SVIL: variants seen among roughly 807,000 people sequenced by gnomAD.
SVIL encodes archvillin.
SVIL carries 101 observed loss-of-function variants against 240.4 expected under a neutral mutation model. That is an observed-to-expected ratio of 0.42 (90% CI 0.36 to 0.50). The LOEUF (loss-of-function observed/expected upper bound fraction) is 0.50. SVIL is among the 20% of genes least tolerant of loss of function. SVIL has a pLI of 0.01. For missense variants in SVIL, 2,512 were observed against 2,818.7 expected, an observed-to-expected ratio of 0.89 and a Z score of 2.46; for synonymous variants, 999 against 1,100.0, an observed-to-expected ratio of 0.91 and a Z score of 1.82.
Position 29,458,583 on chromosome 10 carries a change from C to T in SVIL, c.6409G>A (p.Glu2137Lys), listed in dbSNP as rs1373125270. ...ACGAGGGTGATCTGATTGGAAACTT[C>T]CGTGTCCTAGAGAAGAGGAGGGGGC... Reference protein sequence around the residue: ...DIAEITEMDTEVSNQITLVED... With the variant: ...DIAEITEMDTKVSNQITLVED... The change falls in exon 37 of 38, where the codon GAA (glutamate) becomes AAA (lysine). Residue 2137 changes from glutamate to lysine, a missense_variant. Glu to Lys is a moderately conservative substitution (Grantham distance 56). Transcript: ENST00000355867. The T allele has an allele frequency of 2.5e-6, 4 of 1,612,340 alleles. No homozygotes were observed. In the African/African-American group the frequency reaches 4.0e-5, roughly 16 times the overall value.
intron 1 of SVIL, among the ~76,000 whole-genome samples, chr10:29,586,165 A>G (rs1589326670): frequency 6.6e-6 from 1 of 152,228 alleles, no homozygotes; most frequent in African/African-American, 2.4e-5. Flanking sequence ...TTAACCACAC[A>G]CACTCATTAA....
At chr10:29,526,911 G>T in intron 13 of SVIL, 50 bp downstream of exon 13, 2 of 1,414,130 alleles carry the variant, frequency 1.4e-6, no homozygotes, top group Non-Finnish European at 1.9e-6. Flanking sequence ...TGCATCTGCT[G>T]TTCGGCACCT....
At chr10:29,565,595 A>G (rs1320181962) in intron 2 of SVIL, among the ~76,000 whole-genome samples, 2 of 152,102 alleles carry the variant, frequency 1.3e-5, no homozygotes, top group Admixed American at 6.5e-5. Flanking sequence ...CCCACTGCCT[A>G]TTGTGACCAT....
chr10:29,575,616 A>C (rs1955657419), intron 1 of SVIL, among the ~76,000 whole-genome samples: 1 of 152,106 alleles, frequency 6.6e-6, no homozygotes, highest in Non-Finnish European at 1.5e-5. Flanking sequence ...CTCTCACTGG[A>C]TGATTTAGTA....
upstream of SVIL, among the ~76,000 whole-genome samples, chr10:29,636,556 T>C (rs1958317158): frequency 6.6e-6 from 1 of 152,234 alleles, no homozygotes; most frequent in African/African-American, 2.4e-5. Context: ...TCGTCACTTC[T>C]TTTATATATC....
intron 1 of SVIL, among the ~76,000 whole-genome samples, chr10:29,579,561 T>A (rs1227494218): frequency 1.3e-5 from 2 of 152,214 alleles, no homozygotes; most frequent in African/African-American, 4.8e-5. Context: ...CCTCCCAAAT[T>A]GACAAGGTCA....
In SVIL at chr10:29,605,808, A is replaced by C. The variant is rs190986060; in HGVS notation, c.-201+28612T>G. On this transcript the variant is annotated intron_variant, in intron 1 of 37. Transcript: ENST00000355867. ...TAGAGAGAGATAGTTGATTTTTATC[A>C]ATCTTTTCTTTCATGGTTTCTTAAT... Among the ~76,000 whole-genome samples the C allele has an allele frequency of 3.3e-4, 50 of 151,310 alleles. 1 individual carries two copies. The highest frequency in any genetic ancestry group is 1.4e-3 in the Admixed American group (21 of 15,190).
rs553291445 is a variant in SVIL at position 29,586,678 on chromosome 10, C to A, written c.-200-17366G>T. Among the ~76,000 whole-genome samples the A allele has an allele frequency of 9.9e-4, 151 of 152,250 alleles. 2 individuals are homozygous for A. The South Asian group carries it at 0.031, about 31-fold the overall frequency. Reference sequence around the variant, plus strand: ...CATCTTGCATTAAAAGGAAAACATTCCACATTTCCTAATATGGAATACTAC... The same window carrying A: ...CATCTTGCATTAAAAGGAAAACATTACACATTTCCTAATATGGAATACTAC... On this transcript the variant is annotated intron_variant, in intron 1 of 37. Coordinates refer to ENST00000355867, the MANE Select transcript of SVIL (RefSeq NM_021738.3).
Position 29,556,828 on chromosome 10 carries a change from G to GCTATATTTCAAAA in SVIL, c.-50-1721_-50-1720insTTTTGAAATATAG, listed in dbSNP as rs1490985328. 2.0e-5 allele frequency among the ~76,000 whole-genome samples: 3 copies of GCTATATTTCAAAA among 152,236 alleles called. No homozygotes were observed. In the East Asian group the frequency reaches 5.8e-4, roughly 29 times the overall value. ...TATGGTGATACAACTTTAATGGCTG[G>GCTATATTTCAAAA]TAGGACATATTTTGAAAATATTTTC... On this transcript the variant is annotated intron_variant, in intron 3 of 37. Coordinates refer to ENST00000355867, the MANE Select transcript of SVIL (RefSeq NM_021738.3).
At chr10:29,680,366 T>C (rs1960541339) in intron 2 of SVIL, among the ~76,000 whole-genome samples, 2 of 152,056 alleles carry the variant, frequency 1.3e-5, no homozygotes, top group Non-Finnish European at 1.5e-5. Flanking sequence ...ATGCAGCCAG[T>C]TGAGAAGGAA....
Position 29,549,464 on chromosome 10 carries a change from C to T in SVIL, c.827+1133G>A, listed in dbSNP as rs1386256780. ...TCAACCATTGTGGAAGTCAGTGTGG[C>T]GAAACCTCAGGGATCTAGAACTAGA... On this transcript the variant is annotated intron_variant, in intron 6 of 37. Transcript: ENST00000355867. Among the ~76,000 whole-genome samples, 9 of 120,694 alleles carry T rather than the reference C, an allele frequency of 7.5e-5. 3 individuals carry two copies. The highest frequency in any genetic ancestry group is 2.5e-4 in the Admixed American group (3 of 11,796). 79.2% of individuals were successfully genotyped at this position (120,694 alleles called of 152,430 possible).
chr10:29,693,603 C>A (rs1418259789), intron 1 of SVIL, among the ~76,000 whole-genome samples: 1 of 152,144 alleles, frequency 6.6e-6, no homozygotes, highest in Non-Finnish European at 1.5e-5. Flanking sequence ...GGGCGCCAGA[C>A]CTCACTGCAC....
intron 2 of SVIL, among the ~76,000 whole-genome samples, chr10:29,662,000 A>G (rs1022285457): frequency 1.3e-5 from 2 of 152,086 alleles, no homozygotes; most frequent in Non-Finnish European, 2.9e-5. Flanking sequence ...AAACTACTAG[A>G]GTAGCAAGTG....
At chr10:29,550,144 G>C (rs1165773160) in intron 6 of SVIL, among the ~76,000 whole-genome samples, 6 of 151,404 alleles carry the variant, frequency 4.0e-5, no homozygotes, top group Non-Finnish European at 4.4e-5. Flanking sequence ...TGGCTGAAAT[G>C]TAAGAATCTT....
chr10:29,522,438 G>C lies in SVIL; in HGVS notation c.3361C>G (p.Pro1121Ala), dbSNP rs775889275. The C allele has an allele frequency of 2.5e-6, 4 of 1,614,084 alleles. No individual in the cohort carries two copies. Among genetic ancestry groups the C allele is most frequent in the Non-Finnish European group, 3.4e-6 (4 of 1,180,038 alleles). The part of the protein sequence containing the change: ...TPTGEGLLDS[P>A]SKTMSIKERL... ...TCTTTAATAGACATGGTTTTGCTGG[G>C]TGAGTCAAGAAGGCCCTCCCCTGTC... The change falls in exon 16 of 38, where the codon CCC (proline) becomes GCC (alanine). Residue 1121 changes from proline to alanine, a missense_variant. Physicochemically the swap from Pro to Ala is conservative, Grantham distance 27. Around this residue, in one of 3 missense-constraint regions of SVIL, gnomAD observed 1,443 missense variants for 1,486.6 expected, o/e 0.97. Transcript: ENST00000355867.
chr10:29,598,392 C>T (rs1589355938), intron 1 of SVIL, among the ~76,000 whole-genome samples: 1 of 151,972 alleles, frequency 6.6e-6, no homozygotes, highest in Admixed American at 6.6e-5. Flanking sequence ...TATTTTACCA[C>T]AATAAAAAAA....
At chr10:29,691,790 G>A (rs1436371826) in intron 1 of SVIL, among the ~76,000 whole-genome samples, 2 of 152,146 alleles carry the variant, frequency 1.3e-5, no homozygotes, top group African/African-American at 2.4e-5. Context: ...CAAAGATTAC[G>A]GAATCCCTGT....
At chr10:29,718,283 G>T (rs1046326116) in intron 1 of SVIL, among the ~76,000 whole-genome samples, 17 of 150,978 alleles carry the variant, frequency 1.1e-4, no homozygotes, top group Admixed American at 7.3e-4. Flanking sequence ...CCGAGATCGC[G>T]CCACTGCACT....
At chr10:29,519,240 C>G (rs1440287773) in intron 16 of SVIL, among the ~76,000 whole-genome samples, 1 of 152,178 alleles carries the variant, frequency 6.6e-6, no homozygotes, top group Non-Finnish European at 1.5e-5. Context: ...CTGGTTAGAG[C>G]ACACGGGGTT....
Sources: allele counts gnomAD v4.1 joint callset (sites outside exome capture counted in the v4.1 genomes callset), GRCh38; gene constraint gnomAD v4.1.1; regional missense constraint gnomAD v4.1.1; transcripts MANE v1.5; gene names NCBI Gene and HGNC (gene_info 2026-07-23, HGNC 2026-07-21).